The following PTPN6 variants were observed in gnomAD, a reference collection of about 807,000 sequenced individuals.
The protein encoded by PTPN6 is tyrosine-protein phosphatase non-receptor type 6.
Under a neutral mutation model 81.5 loss-of-function variants are expected in PTPN6, and 18 were observed. The ratio of observed to expected loss-of-function variants is 0.22; its 90% CI spans 0.15 to 0.33. The LOEUF (loss-of-function observed/expected upper bound fraction) is 0.33. Among genes scored for constraint, PTPN6 ranks in the 10% least tolerant of loss-of-function variants. PTPN6 has a pLI of 1.00. For missense variants in PTPN6, 500 were observed against 794.2 expected (o/e 0.63, Z 4.45); for synonymous variants, 301 against 310.9 (o/e 0.97, Z 0.33).
rs371202642 is a variant in PTPN6, at chr12:6,952,220, C to T, written c.326+43C>T. On this transcript the variant is annotated intron_variant, in intron 3 of 15. Transcript: ENST00000318974. This position sits in a 1 kb window ranked among gnomAD's most constrained non-coding sequence, Gnocchi z 8.1. Reference sequence around the variant, plus strand: ...CCGCCATTCCCAAGCAGGGATGAGCCGGCTCCCACCCTGAACAGCCAGGGA... The same window carrying T: ...CCGCCATTCCCAAGCAGGGATGAGCTGGCTCCCACCCTGAACAGCCAGGGA... 98 of 1,608,202 alleles carry T rather than the reference C, an allele frequency of 6.1e-5. No individual in the cohort carries two copies. Among genetic ancestry groups the T allele is most frequent in the South Asian group, 5.0e-4 (45 of 90,902 alleles).
chr12:6,955,519 T>C lies in PTPN6; in HGVS notation c.747+34T>C. 2 of 1,606,084 alleles carry C rather than the reference T, an allele frequency of 1.2e-6. No homozygotes were observed. Among genetic ancestry groups the C allele is most frequent in the Non-Finnish European group, 1.7e-6 (2 of 1,173,336 alleles). On this transcript the variant is annotated intron_variant, in intron 6 of 15. Coordinates refer to ENST00000318974, the MANE Select transcript of PTPN6 (RefSeq NM_002831.6). This position sits in a 1 kb window ranked among gnomAD's most constrained non-coding sequence, Gnocchi z 7.2. Reference sequence around the variant, plus strand: ...TGGGGACCGGCAGGGCTGGGGCAGCTGAGGTGGTGGCAGCGGCCTGGGGCC... The same window carrying C: ...TGGGGACCGGCAGGGCTGGGGCAGCCGAGGTGGTGGCAGCGGCCTGGGGCC...
chr12:6,960,271 G>C lies in PTPN6; in HGVS notation c.1581+32G>C, dbSNP rs782520887. The C allele has an allele frequency of 1.5e-5, 24 of 1,603,112 alleles. No individual in the cohort carries two copies. The highest frequency in any genetic ancestry group is 1.2e-4 in the African/African-American group (9 of 73,886). On this transcript the variant is annotated intron_variant, in intron 13 of 15. Transcript: ENST00000318974. The surrounding 1 kb of genome is among the most constrained non-coding windows in gnomAD (Gnocchi z 6.1). ...GCAGAGCAGGGCCTGGGGGGGGGGG[G>C]GGCTGCAGTGCAGGATGGGTGCCAC...
In PTPN6 at chr12:6,959,876, T is replaced by A; in HGVS notation, c.1362-51T>A. 6.3e-7 allele frequency: 1 copy of A among 1,599,152 alleles called. No homozygotes were observed. The highest frequency in any genetic ancestry group is 8.5e-7 in the Non-Finnish European group (1 of 1,169,942). Reference sequence around the variant, plus strand: ...TGGAGCTGAGCGCTGGGTACCCCCCTTCCCGGGGAGGGCTTGACTGGCCTC... The same window carrying A: ...TGGAGCTGAGCGCTGGGTACCCCCCATCCCGGGGAGGGCTTGACTGGCCTC... On this transcript the variant is annotated intron_variant, in intron 11 of 15. Transcript: ENST00000318974. This position sits in a 1 kb window ranked among gnomAD's most constrained non-coding sequence, Gnocchi z 6.6.
rs1332389413 is a variant in PTPN6 at position 6,956,391 on chromosome 12, G to T, written c.925-28G>T. The T allele has an allele frequency of 6.2e-7, 1 of 1,614,104 alleles. No individual in the cohort carries two copies. Among genetic ancestry groups the T allele is most frequent in the Admixed American group, 1.7e-5 (1 of 60,016 alleles). ...CTGGGCCAAGGGGCTCACTGTCTTG[G>T]GGTGCGTCTCTCCACGCTTGCGTCC... is the stretch of plus-strand genomic sequence containing the variant. On this transcript the variant is annotated intron_variant, in intron 8 of 15. Coordinates refer to ENST00000318974, the MANE Select transcript of PTPN6 (RefSeq NM_002831.6). The surrounding 1 kb of genome is among the most constrained non-coding windows in gnomAD (Gnocchi z 4.1).
chr12:6,955,841 C>T lies in PTPN6; in HGVS notation c.844+85C>T, dbSNP rs1029069925. The T allele has an allele frequency of 7.5e-5, 95 of 1,274,126 alleles. 2 individuals carry two copies. The highest frequency in any genetic ancestry group is 5.4e-4 in the South Asian group (45 of 83,288). The allele number at this position is 1,274,126 out of a possible 1,614,324, so 78.9% of individuals were successfully genotyped here. On this transcript the variant is annotated intron_variant, in intron 7 of 15. Transcript: ENST00000318974. This position sits in a 1 kb window ranked among gnomAD's most constrained non-coding sequence, Gnocchi z 7.2. Reference sequence around the variant, plus strand: ...TCATCTCACAGGTCTCCACCCTCCACGCCAGGAGGGGCCATCTCCCCACAC... The same window carrying T: ...TCATCTCACAGGTCTCCACCCTCCATGCCAGGAGGGGCCATCTCCCCACAC...
chr12:6,946,857 C>G, upstream of PTPN6: 1 of 1,186,776 alleles, frequency 8.4e-7, no homozygotes, highest in South Asian at 1.3e-5. Context: ...CTGCCCTGCG[C>G]CTGTTTCCGG....
chr12:6,960,526 T>G lies in PTPN6; in HGVS notation c.1673+91T>G. 2 of 1,461,328 alleles carry G rather than the reference T, an allele frequency of 1.4e-6. No homozygotes were observed. The highest frequency in any genetic ancestry group is 1.9e-6 in the Non-Finnish European group (2 of 1,063,410). The allele number at this position is 1,461,328 out of a possible 1,614,324, so 90.5% of individuals were successfully genotyped here. The stretch of plus-strand genomic sequence containing the variant: ...TTCTGGAGAGGACAAGTGTTGCAGC[T>G]GGGGGGACCTGGCTTCAAGTTCAGG... On this transcript the variant is annotated intron_variant, in intron 14 of 15. Transcript: ENST00000318974. This position sits in a 1 kb window ranked among gnomAD's most constrained non-coding sequence, Gnocchi z 6.1.
At chr12:6,946,716 C>T (rs1555146828), upstream of PTPN6, 2 of 1,612,092 alleles carry the variant, frequency 1.2e-6, no homozygotes, top group Non-Finnish European at 8.5e-7. Context: ...TTCCCCCTCC[C>T]TACAGAGAGA....
upstream of PTPN6, among the ~76,000 whole-genome samples, chr12:6,947,472 C>G (rs1447726925): frequency 1.3e-5 from 2 of 152,044 alleles, no homozygotes; most frequent in African/African-American, 4.8e-5. Context: ...GAGTTTGAGA[C>G]CAGCCTGGCC....
upstream of PTPN6, among the ~76,000 whole-genome samples, chr12:6,950,902 T>A (rs1420725858): frequency 6.6e-6 from 1 of 152,200 alleles, no homozygotes; most frequent in Admixed American, 6.5e-5. Flanking sequence ...AGATAGCCCC[T>A]GTTTCATAGG....
In PTPN6 at chr12:6,959,530, T is replaced by C; in HGVS notation, c.1362-397T>C. 1 of 364,350 alleles carries C rather than the reference T, an allele frequency of 2.7e-6. No homozygotes were observed. The highest frequency in any genetic ancestry group is 2.8e-5 in the South Asian group (1 of 35,092). The allele number at this position is 364,350 out of a possible 1,614,324, so 22.6% of individuals were successfully genotyped here. A position where few individuals can be genotyped will look rare whatever the true frequency, so the allele number is the denominator to read the frequency against. ...TTGAAGGAAAAGGGAAGTGAAGCCA[T>C]GCTGAGAGACGCTCCATAACTCCTT... On this transcript the variant is annotated intron_variant, in intron 11 of 15. Transcript: ENST00000318974. The surrounding 1 kb of genome is among the most constrained non-coding windows in gnomAD (Gnocchi z 6.6).
In PTPN6 at chr12:6,960,881, A is replaced by C; in HGVS notation, c.1749A>C (p.Ala583=). 6.3e-7 allele frequency: 1 copy of C among 1,578,960 alleles called. No homozygotes were observed. ...AGAAAGTGAAGAAGCAGCGGTCAGCAGACAAGGAGAAGAGCAAGGGTTCCC... is the reference window on the plus strand; with the variant it reads ...AGAAAGTGAAGAAGCAGCGGTCAGCCGACAAGGAGAAGAGCAAGGGTTCCC... ...REEKVKKQRS[A]DKEKSKGSLK... Residue 583 remains alanine (A), a synonymous_variant, in exon 15 of 16, where the codon GCA becomes GCC. Coordinates refer to ENST00000318974, the MANE Select transcript of PTPN6 (RefSeq NM_002831.6). The surrounding 1 kb of genome is among the most constrained non-coding windows in gnomAD (Gnocchi z 6.1).
chr12:6,951,751 C>A lies in PTPN6; in HGVS notation c.131+20C>A, dbSNP rs781916207. ...CGTCAGGTAGGTGGGCCCCCCGCAA[C>A]CCCGGGCATTTTGGCCACTCTCTTG... is the stretch of plus-strand genomic sequence containing the variant. On this transcript the variant is annotated intron_variant, in intron 2 of 15. Transcript: ENST00000318974. The surrounding 1 kb of genome is among the most constrained non-coding windows in gnomAD (Gnocchi z 7.2). The A allele has an allele frequency of 1.2e-6, 2 of 1,609,558 alleles. No homozygotes were observed. Among genetic ancestry groups the A allele is most frequent in the Non-Finnish European group, 1.7e-6 (2 of 1,179,978 alleles).
chr12:6,958,876 G>A (rs1419523368), intron 11 of PTPN6, among the ~76,000 whole-genome samples: 1 of 152,178 alleles, frequency 6.6e-6, no homozygotes, highest in Admixed American at 6.5e-5. Context: ...AGGATCTCAG[G>A]GTTGTCGTGA....
intron 11 of PTPN6, 66 bp downstream of exon 11, chr12:6,958,139 C>T: frequency 1.9e-6 from 3 of 1,585,880 alleles, no homozygotes; most frequent in Non-Finnish European, 2.6e-6. Flanking sequence ...GTGCCATGAG[C>T]TGTTATAAGC....
Position 6,951,558 on chromosome 12 carries a change from G to A in PTPN6, c.8+38G>A, listed in dbSNP as rs113313699. The A allele has an allele frequency of 5.3e-4, 851 of 1,614,016 alleles. 1 individual carries two copies. In the African/African-American group the frequency reaches 8.3e-3, roughly 16 times the overall value. On this transcript the variant is annotated intron_variant, in intron 1 of 15. Coordinates refer to ENST00000318974, the MANE Select transcript of PTPN6 (RefSeq NM_002831.6). This position sits in a 1 kb window ranked among gnomAD's most constrained non-coding sequence, Gnocchi z 7.2. The stretch of plus-strand genomic sequence containing the variant: ...CACCCACGGTAGACAGGAGGCAAGG[G>A]TGCCTGGTGCCCACGGGACCCCTCC...
At position 6,961,124 on chromosome 12, in the gene PTPN6, A is replaced by G; in HGVS notation, c.*26-2A>G. 1 of 1,025,414 alleles carries G rather than the reference A, an allele frequency of 9.8e-7. No homozygotes were observed. Among genetic ancestry groups the G allele is most frequent in the Non-Finnish European group, 1.4e-6 (1 of 707,178 alleles). 63.5% of individuals were successfully genotyped at this position (1,025,414 alleles called of 1,614,324 possible). ...CACTCCCTCACTCCCTTCTCTTGGC[A>G]GCCTCAGCCCTGACCCTGTGGAAGC... On this transcript the variant is annotated splice_acceptor_variant, in intron 15 of 15. Coordinates refer to ENST00000318974, the MANE Select transcript of PTPN6 (RefSeq NM_002831.6). LOFTEE classifies it low-confidence loss of function (3UTR_SPLICE).
chr12:6,956,220 A>T lies in PTPN6; in HGVS notation c.923A>T (p.Lys308Met), dbSNP rs1946027624. Reference sequence around the variant, plus strand: ...GACTACATCAATGCCAACTACATCAAGGTCAGCAGTGTGGGCCACGTGGGA... The same window carrying T: ...GACTACATCAATGCCAACTACATCATGGTCAGCAGTGTGGGCCACGTGGGA... ...GSDYINANYIKNQLLGPDENA... is the reference protein window; with the variant it reads ...GSDYINANYIMNQLLGPDENA... Residue 308 changes from lysine (K) to methionine (M), a missense_variant and splice_region_variant, in exon 8 of 16, where the codon AAG (lysine) becomes ATG (methionine). Around this residue, in one of 6 missense-constraint regions of PTPN6, gnomAD observed 226 missense variants for 364.4 expected, o/e 0.62. Transcript: ENST00000318974. This position sits in a 1 kb window ranked among gnomAD's most constrained non-coding sequence, Gnocchi z 4.1. 1 of 1,613,944 alleles carries T rather than the reference A, an allele frequency of 6.2e-7. No individual in the cohort carries two copies. Among genetic ancestry groups the T allele is most frequent in the African/African-American group, 1.3e-5 (1 of 74,920 alleles).
chr12:6,955,009 C>T lies in PTPN6; in HGVS notation c.516+15C>T, dbSNP rs372937535. 60 of 1,613,696 alleles carry T rather than the reference C, an allele frequency of 3.7e-5. No individual in the cohort carries two copies. The highest frequency in any genetic ancestry group is 5.3e-5 in the African/African-American group (4 of 74,932). ...TCATGTGCGAGGTAAGGCAGCCAGG[C>T]GGCGGGGGAGCCTCTGCTGAGGCTC... On this transcript the variant is annotated intron_variant, in intron 4 of 15. Transcript: ENST00000318974. The surrounding 1 kb of genome is among the most constrained non-coding windows in gnomAD (Gnocchi z 7.2).
Sources: allele counts gnomAD v4.1 joint callset (sites outside exome capture counted in the v4.1 genomes callset), GRCh38; gene constraint gnomAD v4.1.1; regional missense constraint gnomAD v4.1.1; non-coding constraint Gnocchi (gnomAD v3.1); transcripts MANE v1.5; gene names NCBI Gene and HGNC (gene_info 2026-07-23, HGNC 2026-07-21).